The following SLC4A4 variants were observed in gnomAD, a reference collection of about 807,000 sequenced individuals.
The protein encoded by SLC4A4 is electrogenic sodium bicarbonate cotransporter 1.
A neutral mutation model predicts 111.5 loss-of-function variants in SLC4A4; 27 were observed. The observed-to-expected ratio is 0.24, with a 90% CI of 0.18 to 0.33. The LOEUF (loss-of-function observed/expected upper bound fraction) is 0.33. SLC4A4 is among the 10% of genes least tolerant of loss of function. SLC4A4 has a pLI of 1.00. For missense variants in SLC4A4, 909 were observed against 1,315.5 expected, an observed-to-expected ratio of 0.69 and a Z score of 4.78; for synonymous variants, 443 against 463.4, an observed-to-expected ratio of 0.96 and a Z score of 0.57.
intron 7 of SLC4A4, among the ~76,000 whole-genome samples, chr4:71,414,472 CTTTTA>C (rs922341614): frequency 2.0e-5 from 3 of 152,214 alleles, no homozygotes; most frequent in Non-Finnish European, 4.4e-5. Flanking sequence ...AATCCATTAA[CTTTTA>C]TTTATTTATT....
In SLC4A4 at chr4:71,105,317, A is replaced by C. The variant is rs1261653492; in HGVS notation, c.-2+12525A>C. On this transcript the variant is annotated intron_variant, in intron 2 of 26. Coordinates refer to the SLC4A4 transcript ENST00000649996. The stretch of plus-strand genomic sequence containing the variant: ...ACATTCTATGCTCATGGGTAGGAAG[A>C]ATCAATATCGTGAAAATGGCCATAC... Among the ~76,000 whole-genome samples, 9 of 150,010 alleles carry C rather than the reference A, an allele frequency of 6.0e-5. No individual in the cohort carries two copies. In the East Asian group the frequency reaches 1.8e-3, roughly 30 times the overall value.
chr4:71,536,539 C>T (rs1359277681), intron 18 of SLC4A4, among the ~76,000 whole-genome samples: 2 of 142,388 alleles, frequency 1.4e-5, no homozygotes, highest in African/African-American at 2.6e-5. Context: ...CTCTGTCACC[C>T]AGGCTGGAGT....
chr4:71,340,695 T>A (rs538482375), intron 4 of SLC4A4, among the ~76,000 whole-genome samples: 2 of 152,266 alleles, frequency 1.3e-5, no homozygotes, highest in Non-Finnish European at 2.9e-5. Flanking sequence ...CTCTGTTGCC[T>A]CTTAGTGACA....
At chr4:71,526,956 C>G (rs150764038) in intron 16 of SLC4A4, among the ~76,000 whole-genome samples, 2 of 152,198 alleles carry the variant, frequency 1.3e-5, no homozygotes, top group Admixed American at 6.5e-5. Flanking sequence ...CTTTCATTTA[C>G]AAGAACCCCT....
chr4:71,082,280 T>C (rs777406429), intron 1 of SLC4A4, among the ~76,000 whole-genome samples: 37 of 152,068 alleles, frequency 2.4e-4, no homozygotes, highest in Admixed American at 4.6e-4. Context: ...CGAAGCACTC[T>C]GCATTTGCAG....
At chr4:71,459,259 A>G (rs1560526929) in intron 12 of SLC4A4, among the ~76,000 whole-genome samples, 1 of 151,988 alleles carries the variant, frequency 6.6e-6, no homozygotes, top group Admixed American at 6.6e-5. Flanking sequence ...GCTAAATTCT[A>G]ATTCTTATTT....
chr4:71,311,273 T>A (rs1726131128), intron 3 of SLC4A4, among the ~76,000 whole-genome samples: 1 of 152,080 alleles, frequency 6.6e-6, no homozygotes. Flanking sequence ...CTGTCAATAT[T>A]AGACAGATCA....
At chr4:71,431,896 A>G (rs896437274) in intron 7 of SLC4A4, among the ~76,000 whole-genome samples, 9 of 151,768 alleles carry the variant, frequency 5.9e-5, no homozygotes, top group East Asian at 5.8e-4. Flanking sequence ...TGGGCATTTT[A>G]TGGTCTTTTG....
intron 4 of SLC4A4, among the ~76,000 whole-genome samples, chr4:71,341,507 A>T (rs1405631814): frequency 6.6e-6 from 1 of 152,168 alleles, no homozygotes; most frequent in Non-Finnish European, 1.5e-5. Context: ...AAGGAGCAAT[A>T]AGCCAATAGC....
intron 22 of SLC4A4, among the ~76,000 whole-genome samples, chr4:71,558,936 A>G (rs1736719684): frequency 6.6e-6 from 1 of 151,794 alleles, no homozygotes; most frequent in African/African-American, 2.4e-5. Context: ...TATTAGTGTT[A>G]TCTGCCTACC....
chr4:71,501,216 A>G (rs955752729), intron 16 of SLC4A4, among the ~76,000 whole-genome samples: 1 of 151,938 alleles, frequency 6.6e-6, no homozygotes, highest in African/African-American at 2.4e-5. Flanking sequence ...TTTTGTAGCT[A>G]TTGTAAGTGG....
intron 7 of SLC4A4, among the ~76,000 whole-genome samples, chr4:71,423,221 G>A (rs1220040674): frequency 1.3e-5 from 2 of 152,180 alleles, no homozygotes; most frequent in African/African-American, 4.8e-5. Flanking sequence ...CAAATCATGA[G>A]TGAACTCCCA....
chr4:71,321,954 CT>C (rs1381296124), intron 3 of SLC4A4, among the ~76,000 whole-genome samples: 1 of 151,948 alleles, frequency 6.6e-6, no homozygotes, highest in Non-Finnish European at 1.5e-5. Context: ...TTTTTCTTTA[CT>C]GAGAATATAA....
intron 8 of SLC4A4, among the ~76,000 whole-genome samples, chr4:71,443,114 C>A (rs868192221): frequency 4.6e-3 from 416 of 89,886 alleles, no homozygotes; most frequent in African/African-American, 6.6e-3. Flanking sequence ...CTCTCTCTCT[C>A]TCTATATATA....
At chr4:71,487,697 G>T (rs1004677720) in intron 15 of SLC4A4, among the ~76,000 whole-genome samples, 8 of 151,620 alleles carry the variant, frequency 5.3e-5, no homozygotes, top group African/African-American at 1.9e-4. Flanking sequence ...CAGTTATAAA[G>T]ACAGAAGCCA....
chr4:71,286,683 A>T (rs557926434), intron 3 of SLC4A4, among the ~76,000 whole-genome samples: 13 of 152,278 alleles, frequency 8.5e-5, no homozygotes, highest in African/African-American at 3.1e-4. Flanking sequence ...GTCTCTGTTG[A>T]TCTTTATAAC....
chr4:71,367,125 C>T (rs901903297), intron 6 of SLC4A4, among the ~76,000 whole-genome samples: 1 of 152,160 alleles, frequency 6.6e-6, no homozygotes, highest in African/African-American at 2.4e-5. Context: ...AAGAAATTTC[C>T]AGCTTTAGTT....
At chr4:71,268,101 A>G (rs1270894905) in intron 3 of SLC4A4, among the ~76,000 whole-genome samples, 2 of 35,644 alleles carry the variant, frequency 5.6e-5, no homozygotes, top group Non-Finnish European at 1.1e-4. Flanking sequence ...TTTTTTTGCC[A>G]CTAGTGAATC....
chr4:71,339,908 ACTCATTCCCTGTC>A (rs538199115), intron 4 of SLC4A4, among the ~76,000 whole-genome samples: 3 of 152,020 alleles, frequency 2.0e-5, no homozygotes, highest in African/African-American at 7.2e-5. Flanking sequence ...GTGACTTATT[ACTCATTCCCTGTC>A]AAGAGGTGGG....
Sources: gnomAD v4.1 joint callset for allele counts (sites outside exome capture counted in the v4.1 genomes callset) on GRCh38, gnomAD v4.1.1 for gene constraint, MANE v1.5 for transcripts, NCBI Gene and HGNC (gene_info 2026-07-23, HGNC 2026-07-21) for gene names.